The following MYH10 variants were observed in gnomAD, a reference collection of about 807,000 sequenced individuals.
The protein encoded by MYH10 is myosin-10.
A neutral mutation model predicts 257.8 loss-of-function variants in MYH10; 55 were observed. The observed-to-expected ratio is 0.21, with a 90% CI of 0.17 to 0.27. MYH10 has a LOEUF of 0.27. MYH10 is among the 10% of genes least tolerant of loss of function. The probability of loss-of-function intolerance (pLI) is 1.00; values close to 1 mark genes in which losing one functional copy is unlikely to be tolerated. For missense variants in MYH10, 1,631 were observed against 2,500.6 expected (o/e 0.65, Z 7.42); for synonymous variants, 854 against 921.7 (o/e 0.93, Z 1.33).
At chr17:8,549,642 C>T (rs2082556577) in intron 9 of MYH10, among the ~76,000 whole-genome samples, 1 of 152,188 alleles carries the variant, frequency 6.6e-6, no homozygotes, top group Non-Finnish European at 1.5e-5. Flanking sequence ...AGGGTACTGC[C>T]TGCTGCTTTC....
intron 21 of MYH10, among the ~76,000 whole-genome samples, chr17:8,516,618 A>G (rs1298888971): frequency 6.6e-6 from 1 of 152,236 alleles, no homozygotes; most frequent in Non-Finnish European, 1.5e-5. Flanking sequence ...TCAATGAAAA[A>G]GCTGCACAAA....
chr17:8,504,681 C>T lies in MYH10; in HGVS notation c.3599+13G>A, dbSNP rs774592090. ...GGCAGGCGCCCGGGCCCTGCTTCCT[C>T]TCCCACACTCACCGTAGTTCCTGCT... On this transcript the variant is annotated intron_variant, in intron 28 of 42. Coordinates refer to ENST00000360416, the MANE Select transcript of MYH10 (RefSeq NM_001256012.3). This position sits in a 1 kb window ranked among gnomAD's most constrained non-coding sequence, Gnocchi z 5.6. 1 of 1,612,740 alleles carries T rather than the reference C, an allele frequency of 6.2e-7. No individual in the cohort carries two copies. Among genetic ancestry groups the T allele is most frequent in the Non-Finnish European group, 8.5e-7 (1 of 1,179,512 alleles).
chr17:8,530,489 C>A, intron 17 of MYH10, 134 bp downstream of exon 17: 1 of 606,388 alleles, frequency 1.6e-6, no homozygotes, highest in Non-Finnish European at 2.9e-6. Context: ...AAAACAAAAA[C>A]AGAAACCCAA....
intron 7 of MYH10, chr17:8,561,628 A>G: frequency 1.5e-6 from 1 of 683,208 alleles, no homozygotes; most frequent in Non-Finnish European, 2.6e-6. Flanking sequence ...AGAAAAATAA[A>G]ATGGAAATTG....
intron 17 of MYH10, among the ~76,000 whole-genome samples, chr17:8,526,619 T>C (rs2081854278): frequency 8.2e-6 from 1 of 121,870 alleles, no homozygotes; most frequent in Non-Finnish European, 1.8e-5. Flanking sequence ...TGTGAGGACA[T>C]ATTCGCATAG....
intron 2 of MYH10, among the ~76,000 whole-genome samples, chr17:8,616,970 C>A (rs1315901440): frequency 2.0e-5 from 3 of 151,966 alleles, no homozygotes; most frequent in South Asian, 2.1e-4. Context: ...TACTTATGAA[C>A]CCTGATTTAT....
At chr17:8,602,839 T>C (rs1343487877) in intron 3 of MYH10, among the ~76,000 whole-genome samples, 1 of 152,246 alleles carries the variant, frequency 6.6e-6, no homozygotes, top group Non-Finnish European at 1.5e-5. Context: ...TAATTCTATT[T>C]ACTTTACAAG....
chr17:8,486,818 C>T (rs1914894275), intron 36 of MYH10, among the ~76,000 whole-genome samples: 1 of 152,122 alleles, frequency 6.6e-6, no homozygotes, highest in South Asian at 2.1e-4. Flanking sequence ...AGGGGGTTTC[C>T]ATTTTTGCTA....
rs777057821 is a variant in MYH10, at chr17:8,622,961, A to G, written c.286T>C (p.Leu96=). ...TTATGTAAAACGGAAGCTTCATTCA[A>G]GCATGTCAATTCTGCCATATCCTCC... ...KVEDMAELTC[L]NEASVLHNLK... The change falls in exon 2 of 43, where the codon TTG becomes CTG. Residue 96 remains leucine (L), a synonymous_variant. Transcript: ENST00000360416. The G allele has an allele frequency of 2.5e-6, 4 of 1,614,056 alleles. No individual in the cohort carries two copies. Among genetic ancestry groups the G allele is most frequent in the South Asian group, 1.1e-5 (1 of 91,092 alleles).
rs138136961 is a variant in MYH10, at chr17:8,474,502, A to G, written c.*1302T>C. On this transcript the variant is annotated 3_prime_UTR_variant, in exon 43 of 43. Transcript: ENST00000360416. ...CCAAAAGGTTTGTGTTTTCAAGCAC[A>G]TTGCAGAGGATCAAGGATTTAGAAT... 9.8e-5 allele frequency: 15 copies of G among 152,778 alleles called. No homozygotes were observed. The East Asian group carries it at 2.9e-3, about 29-fold the overall frequency. 9.5% of individuals were successfully genotyped at this position (152,778 alleles called of 1,614,324 possible). A position where few individuals can be genotyped will look rare whatever the true frequency, so the allele number is the denominator to read the frequency against.
intron 34 of MYH10, 31 bp downstream of exon 34, chr17:8,492,266 G>A (rs760981880): frequency 6.2e-6 from 10 of 1,600,362 alleles, no homozygotes; most frequent in Non-Finnish European, 8.5e-6. Flanking sequence ...ACTCTCCCGT[G>A]CGGAAGTGTG....
In MYH10 at chr17:8,546,571, A is replaced by G. The variant is rs1476703454; in HGVS notation, c.1251T>C (p.Tyr417=). The G allele has an allele frequency of 1.9e-6, 3 of 1,613,956 alleles. No homozygotes were observed. The highest frequency in any genetic ancestry group is 2.2e-5 in the East Asian group (1 of 44,894). Residue 417 remains tyrosine, a synonymous_variant, in exon 12 of 43, where the codon TAT becomes TAC. Coordinates refer to ENST00000360416, the MANE Select transcript of MYH10 (RefSeq NM_001256012.3). ...LTPRIKVGRD[Y]VQKAQTKEQA... ...GTTCTTTGGTCTGGGCTTTTTGCAC[A>G]TAGTCTCGGCCGACCTTGATCCGGG... is the stretch of plus-strand genomic sequence containing the variant.
intron 16 of MYH10, among the ~76,000 whole-genome samples, chr17:8,532,007 T>A (rs2082016505): frequency 6.6e-6 from 1 of 152,166 alleles, no homozygotes; most frequent in African/African-American, 2.4e-5. Flanking sequence ...TGGACAAACA[T>A]GGTACTGCTT....
intron 12 of MYH10, 23 bp downstream of exon 12, chr17:8,546,521 A>G (rs769653685): frequency 1.4e-5 from 22 of 1,580,866 alleles, no homozygotes; most frequent in East Asian, 8.9e-5. Flanking sequence ...CAAATCAGTA[A>G]TAACAATGAA....
rs551979349 is a variant in MYH10, at chr17:8,626,387, G to A, written c.-31-3110C>T. ...TCAAGACCAGCCTGGGCAACATAGC[G>A]AAACCCCGTCTCTACAAAAAATACA... On this transcript the variant is annotated intron_variant, in intron 1 of 42. Transcript: ENST00000360416. 9.2e-5 allele frequency among the ~76,000 whole-genome samples: 14 copies of A among 152,022 alleles called. No homozygotes were observed. In the East Asian group the frequency reaches 2.7e-3, roughly 29 times the overall value.
At position 8,493,776 on chromosome 17, in the gene MYH10, GCCTCCT is replaced by G. The variant is rs146612839; in HGVS notation, c.4160_4165del (p.Glu1387_Glu1388del). 8 of 1,612,460 alleles carry G rather than the reference GCCTCCT, an allele frequency of 5.0e-6. No individual in the cohort carries two copies. Among genetic ancestry groups the G allele is most frequent in the Non-Finnish European group, 6.8e-6 (8 of 1,179,162 alleles). On this transcript the variant is annotated inframe_deletion, in exon 32 of 43. Coordinates refer to ENST00000360416, the MANE Select transcript of MYH10 (RefSeq NM_001256012.3). ...CACTTGCTTCTCCAGGTTCTTCCTGGCCTCCTCCTCCTCCTCCTGCTGCTCCTGAAG... is the reference window on the plus strand; with the variant it reads ...CACTTGCTTCTCCAGGTTCTTCCTGGCCTCCTCCTCCTGCTGCTCCTGAAG...
At position 8,492,426 on chromosome 17, in the gene MYH10, G is replaced by C. The variant is rs1246346428; in HGVS notation, c.4542C>G (p.Thr1514=). The stretch of plus-strand genomic sequence containing the variant: ...GGGCCCGGGCCAGTGACAGGGCTTT[G>C]GTTTCTTTCTCTCTGGCCTCGGCTT... ...RAEAEAREKE[T]KALSLARALE... Residue 1514 remains threonine (T), a synonymous_variant, in exon 34 of 43, where the codon ACC becomes ACG. Transcript: ENST00000360416. The C allele has an allele frequency of 6.2e-7, 1 of 1,613,246 alleles. No individual in the cohort carries two copies. Among genetic ancestry groups the C allele is most frequent in the Non-Finnish European group, 8.5e-7 (1 of 1,180,016 alleles).
chr17:8,513,441 T>G (rs901495472), intron 23 of MYH10, 97 bp downstream of exon 23: 303 of 1,509,872 alleles, frequency 2.0e-4, no homozygotes, highest in East Asian at 1.3e-3. Context: ...ATATGGTGGG[T>G]ACAGCTATTC....
chr17:8,484,518 A>G (rs755720186), intron 36 of MYH10, among the ~76,000 whole-genome samples: 2 of 152,226 alleles, frequency 1.3e-5, no homozygotes, highest in Non-Finnish European at 2.9e-5. Context: ...GGGAATGACA[A>G]GGATATCGTA....
Sources: allele counts gnomAD v4.1 joint callset (sites outside exome capture counted in the v4.1 genomes callset), GRCh38; gene constraint gnomAD v4.1.1; non-coding constraint Gnocchi (gnomAD v3.1); transcripts MANE v1.5; gene names NCBI Gene and HGNC (gene_info 2026-07-23, HGNC 2026-07-21).